The following GRIK3 variants were observed in gnomAD, a reference collection of about 807,000 sequenced individuals.
The protein encoded by GRIK3 is glutamate ionotropic receptor kainate type subunit 3.
In GRIK3, 29 loss-of-function variants were observed where a neutral mutation model predicts 102.5. The observed-to-expected ratio is 0.28, with a 90% CI of 0.21 to 0.39. The LOEUF (loss-of-function observed/expected upper bound fraction) is 0.39, where lower values mean the gene tolerates loss of function less well. GRIK3 is among the 10% of genes least tolerant of loss of function. The pLI, the probability that GRIK3 is intolerant of heterozygous loss-of-function variation, is 1.00. For synonymous variants in GRIK3, 511 were observed against 504.9 expected (o/e 1.01, Z -0.16); for missense variants, 908 against 1,252.4 (o/e 0.73, Z 4.15).
At chr1:36,986,892 C>T (rs1454114510) in intron 1 of GRIK3, among the ~76,000 whole-genome samples, 2 of 152,186 alleles carry the variant, frequency 1.3e-5, no homozygotes, top group African/African-American at 4.8e-5. Context: ...TTCTCCCCAG[C>T]CACTGAGCTC....
intron 13 of GRIK3, among the ~76,000 whole-genome samples, chr1:36,813,904 A>G (rs1642592071): frequency 6.6e-6 from 1 of 152,200 alleles, no homozygotes; most frequent in South Asian, 2.1e-4. Flanking sequence ...GAATTAAGGC[A>G]GGAGACAATG....
At chr1:36,931,434 A>G (rs1040317976) in intron 1 of GRIK3, among the ~76,000 whole-genome samples, 5 of 152,124 alleles carry the variant, frequency 3.3e-5, no homozygotes, top group Non-Finnish European at 7.4e-5. Context: ...TTTATTCTTC[A>G]TTGTGAATCC....
chr1:36,911,923 A>C (rs530922857), intron 1 of GRIK3, among the ~76,000 whole-genome samples: 105 of 152,186 alleles, frequency 6.9e-4, no homozygotes, highest in African/African-American at 2.5e-3. Context: ...CTCCGCGGTC[A>C]GTCAGCAGAG....
chr1:36,843,607 C>T (rs1640486657), intron 9 of GRIK3, among the ~76,000 whole-genome samples: 2 of 152,176 alleles, frequency 1.3e-5, no homozygotes, highest in Admixed American at 6.5e-5. Context: ...CGGAGTTAAT[C>T]TGCTTTTCCA....
chr1:36,978,899 CTCT>C (rs1159945282), intron 1 of GRIK3, among the ~76,000 whole-genome samples: 2 of 152,180 alleles, frequency 1.3e-5, no homozygotes, highest in Non-Finnish European at 2.9e-5. Context: ...CAAACTCCGC[CTCT>C]TGATAGCAGA....
chr1:37,002,280 A>G (rs1399453284), intron 1 of GRIK3, among the ~76,000 whole-genome samples: 1 of 152,250 alleles, frequency 6.6e-6, no homozygotes, highest in Admixed American at 6.5e-5. Context: ...GGTTGGGCAT[A>G]TAGTCAAAGA....
Position 36,797,283 on chromosome 1 carries a change from C to CAT in GRIK3, c.*4566_*4567dup, listed in dbSNP as rs10696323. ...GGCTACAGGTCATATATACACTGTG[C>CAT]ATATATATATATATATACAGTATAT... On this transcript the variant is annotated 3_prime_UTR_variant, in exon 16 of 16. Transcript: ENST00000373091. 0.021 allele frequency: 3,138 copies of CAT among 146,336 alleles called. 70 individuals carry two copies. Among genetic ancestry groups the CAT allele is most frequent in the African/African-American group, 0.062 (2,494 of 40,134 alleles). The allele number at this position is 146,336 out of a possible 1,614,324, so 9.1% of individuals were successfully genotyped here.
chr1:36,898,808 G>A (rs1285381894), intron 1 of GRIK3, among the ~76,000 whole-genome samples: 1 of 152,090 alleles, frequency 6.6e-6, no homozygotes, highest in Non-Finnish European at 1.5e-5. Flanking sequence ...TTACTACAAA[G>A]CTAGAGTAAT....
chr1:37,022,051 T>G (rs552669700), intron 1 of GRIK3, among the ~76,000 whole-genome samples: 1 of 152,278 alleles, frequency 6.6e-6, no homozygotes, highest in Admixed American at 6.5e-5. Flanking sequence ...CAGAACCTGG[T>G]GTGGAGGATG....
intron 9 of GRIK3, among the ~76,000 whole-genome samples, chr1:36,848,617 CTT>C (rs774377156): frequency 2.6e-5 from 4 of 151,904 alleles, no homozygotes; most frequent in East Asian, 1.9e-4. Context: ...TTCATTTTCT[CTT>C]TGTTATTTTC....
At chr1:36,968,796 G>A (rs1203478699) in intron 1 of GRIK3, among the ~76,000 whole-genome samples, 1 of 152,240 alleles carries the variant, frequency 6.6e-6, no homozygotes, top group African/African-American at 2.4e-5. Flanking sequence ...AGCAGTGGGT[G>A]TCTCAGGAGC....
intron 1 of GRIK3, among the ~76,000 whole-genome samples, chr1:36,956,645 T>C (rs1321921051): frequency 1.3e-5 from 2 of 152,028 alleles, no homozygotes; most frequent in African/African-American, 2.4e-5. Context: ...CCCAGCATCC[T>C]TGGGAAGGTG....
rs984836446 is a variant in GRIK3 at position 36,993,926 on chromosome 1, C to G, written c.115+40068G>C. ...CCTTTTTTATGACTGCACTGCAGCT[C>G]AATCTAAGCCTAATCCTGCTTCCCT... On this transcript the variant is annotated intron_variant, in intron 1 of 15. Transcript: ENST00000373091. Among the ~76,000 whole-genome samples the G allele has an allele frequency of 3.3e-5, 5 of 152,216 alleles. No individual in the cohort carries two copies. In the East Asian group the frequency reaches 7.7e-4, roughly 23 times the overall value.
At chr1:36,933,655 T>C (rs1641621564) in intron 1 of GRIK3, among the ~76,000 whole-genome samples, 1 of 152,238 alleles carries the variant, frequency 6.6e-6, no homozygotes, top group African/African-American at 2.4e-5. Flanking sequence ...TTTGGTTGGC[T>C]TGAGGCAGCG....
At chr1:36,889,116 C>A (rs1396354212) in intron 2 of GRIK3, among the ~76,000 whole-genome samples, 5 of 151,894 alleles carry the variant, frequency 3.3e-5, no homozygotes, top group South Asian at 2.1e-4. Context: ...AATCACATGA[C>A]CTCTCTCTCA....
Position 36,805,064 on chromosome 1 carries a change from C to T in GRIK3, c.2488G>A (p.Ala830Thr), listed in dbSNP as rs753008196. 9 of 1,614,212 alleles carry T rather than the reference C, an allele frequency of 5.6e-6. No homozygotes were observed. Among genetic ancestry groups the T allele is most frequent in the East Asian group, 4.5e-5 (2 of 44,884 alleles). ...ACCAGCACAGAGAGGACCAGCCCGG[C>T]GGCCAGGACAATGAAGATGCCCCCG... ...KIGGIFIVLA[A>T]GLVLSVLVAV... Residue 830 changes from alanine (A) to threonine (T), a missense_variant, in exon 15 of 16, where the codon GCC becomes ACC. Physicochemically the swap from Ala to Thr is moderately conservative, Grantham distance 58. Coordinates refer to ENST00000373091, the MANE Select transcript of GRIK3 (RefSeq NM_000831.4).
Position 36,850,914 on chromosome 1 carries a change from C to A in GRIK3, c.1213-490G>T, listed in dbSNP as rs1640577545. 6.6e-6 allele frequency among the ~76,000 whole-genome samples: 1 copy of A among 152,234 alleles called. No individual in the cohort carries two copies. Among genetic ancestry groups the A allele is most frequent in the South Asian group, 2.1e-4 (1 of 4,830 alleles). ...AAAGGCAGTTTGCTTTGTGGTTTTA[C>A]ATTTAAAACTGGCAGACACACAGAC... On this transcript the variant is annotated intron_variant, in intron 8 of 15. Transcript: ENST00000373091. This position sits in a 1 kb window ranked among gnomAD's most constrained non-coding sequence, Gnocchi z 4.0.
chr1:37,000,435 G>T (rs556067723), intron 1 of GRIK3, among the ~76,000 whole-genome samples: 1 of 152,126 alleles, frequency 6.6e-6, no homozygotes, highest in East Asian at 1.9e-4. Flanking sequence ...TTTGACAGAG[G>T]GGGAAAATGA....
chr1:37,014,271 A>G (rs967928692), intron 1 of GRIK3, among the ~76,000 whole-genome samples: 2 of 152,260 alleles, frequency 1.3e-5, no homozygotes, highest in Non-Finnish European at 2.9e-5. Context: ...TCATCAATCT[A>G]TATTCAGCAC....
Sources: gnomAD v4.1 joint callset for allele counts (sites outside exome capture counted in the v4.1 genomes callset) on GRCh38, gnomAD v4.1.1 for gene constraint, Gnocchi (gnomAD v3.1) non-coding constraint, MANE v1.5 for transcripts, NCBI Gene and HGNC (gene_info 2026-07-23, HGNC 2026-07-21) for gene names.